DRC8: variants seen among roughly 807,000 people sequenced by gnomAD.
The protein encoded by DRC8 is dynein regulatory complex subunit 8, also known as dynein regulatory complex protein 8.
the DRC8 span, among the ~76,000 whole-genome samples, chr1:244,979,761 G>A: frequency 6.6e-6 from 1 of 151,936 alleles, no homozygotes; most frequent in African/African-American, 2.4e-5. Flanking sequence ...TCTTGAAGGT[G>A]TAATAGCACA....
the DRC8 span, among the ~76,000 whole-genome samples, chr1:245,031,057 T>C: frequency 6.6e-6 from 1 of 152,262 alleles, no homozygotes; most frequent in East Asian, 1.9e-4. Context: ...AAGTGTGGAT[T>C]TGGCAGAGAC....
At chr1:244,973,708 CAT>C in the DRC8 span, among the ~76,000 whole-genome samples, 3 of 152,118 alleles carry the variant, frequency 2.0e-5, no homozygotes, top group South Asian at 2.1e-4. Flanking sequence ...TAGAAATACA[CAT>C]ATGTTTTAAA....
chr1:245,058,089 C>T, the DRC8 span, among the ~76,000 whole-genome samples: 8 of 151,910 alleles, frequency 5.3e-5, no homozygotes, highest in Admixed American at 3.3e-4. Flanking sequence ...TGAGAATGTG[C>T]GATTAGCCGT....
chr1:245,083,912 A>G, the DRC8 span: 1 of 503,536 alleles, frequency 2.0e-6, no homozygotes, highest in Non-Finnish European at 3.4e-6. Context: ...AATTTTGTGA[A>G]GCACAGTGAT....
chr1:245,056,488 T>C, the DRC8 span, among the ~76,000 whole-genome samples: 1 of 152,220 alleles, frequency 6.6e-6, no homozygotes, highest in Non-Finnish European at 1.5e-5. Context: ...AGTGGAATTC[T>C]CACTTTCTCC....
chr1:245,034,431 T>C, the DRC8 span, among the ~76,000 whole-genome samples: 1 of 151,456 alleles, frequency 6.6e-6, no homozygotes, highest in East Asian at 1.9e-4. Context: ...CGAAACCCTG[T>C]CTCTAATAAA....
chr1:245,048,992 T>C, the DRC8 span, among the ~76,000 whole-genome samples: 9 of 151,486 alleles, frequency 5.9e-5, no homozygotes, highest in African/African-American at 1.9e-4. Flanking sequence ...TTTTCTTTTT[T>C]TTTTTTTTTT....
At chr1:245,070,042 C>A in the DRC8 span, among the ~76,000 whole-genome samples, 1 of 152,090 alleles carries the variant, frequency 6.6e-6, no homozygotes, top group African/African-American at 2.4e-5. Flanking sequence ...AAGACCCTGT[C>A]TCTAAATAAA....
the DRC8 span, among the ~76,000 whole-genome samples, chr1:245,007,969 A>G: frequency 6.6e-6 from 1 of 152,174 alleles, no homozygotes; most frequent in Non-Finnish European, 1.5e-5. Flanking sequence ...GTTCAAAACC[A>G]GCCTGGTCAG....
the DRC8 span, among the ~76,000 whole-genome samples, chr1:244,999,740 A>T: frequency 6.6e-6 from 1 of 152,202 alleles, no homozygotes; most frequent in African/African-American, 2.4e-5. Flanking sequence ...GAAACAATGG[A>T]TAGTACTGAA....
the DRC8 span, among the ~76,000 whole-genome samples, chr1:244,981,850 G>A: frequency 2.0e-5 from 3 of 152,266 alleles, no homozygotes; most frequent in Admixed American, 6.5e-5. Flanking sequence ...AAATATGCTA[G>A]TGCATTCTTC....
At chr1:245,089,614 G>C in the DRC8 span, among the ~76,000 whole-genome samples, 1 of 152,160 alleles carries the variant, frequency 6.6e-6, no homozygotes, top group South Asian at 2.1e-4. The surrounding 1 kb of genome is among the most constrained non-coding windows in gnomAD (Gnocchi z 4.8). Flanking sequence ...AGAGTTCATT[G>C]AGGGCCTCTC....
chr1:245,023,009 C>T, the DRC8 span: 1 of 152,150 alleles, frequency 6.6e-6, no homozygotes, highest in African/African-American at 2.4e-5. Flanking sequence ...AATATTTGTC[C>T]TTCCTGTGCT....
the DRC8 span, among the ~76,000 whole-genome samples, chr1:245,046,699 A>G: frequency 1.3e-5 from 2 of 152,258 alleles, no homozygotes; most frequent in South Asian, 4.1e-4. Context: ...TTCTCATCTC[A>G]AGGAATTTGG....
the DRC8 span, chr1:245,082,049 T>G: frequency 6.5e-7 from 1 of 1,530,768 alleles, no homozygotes; most frequent in South Asian, 1.1e-5. Flanking sequence ...ATTTGTTGAA[T>G]GACTAAATGG....
At chr1:244,986,770 T>G in the DRC8 span, among the ~76,000 whole-genome samples, 1 of 151,538 alleles carries the variant, frequency 6.6e-6, no homozygotes, top group South Asian at 2.1e-4. Context: ...AAAGATCACT[T>G]GCTTGCACTG....
At chr1:245,096,867 C>T in the DRC8 span, among the ~76,000 whole-genome samples, 1 of 152,110 alleles carries the variant, frequency 6.6e-6, no homozygotes, top group Non-Finnish European at 1.5e-5. Flanking sequence ...TGGGGAAAGT[C>T]ACGTGATGTG....
the DRC8 span, among the ~76,000 whole-genome samples, chr1:245,057,986 C>A: frequency 2.6e-5 from 4 of 152,264 alleles, no homozygotes; most frequent in African/African-American, 9.6e-5. Context: ...ATTCTACTCT[C>A]TACCTCCCTG....
At chr1:245,041,507 C>A in the DRC8 span, among the ~76,000 whole-genome samples, 6 of 151,972 alleles carry the variant, frequency 3.9e-5, no homozygotes, top group South Asian at 1.3e-3. Context: ...GTGGTGCAGG[C>A]AAGAGGGAAT....
Sources: allele counts gnomAD v4.1 joint callset (sites outside exome capture counted in the v4.1 genomes callset), GRCh38; gene constraint gnomAD v4.1.1; non-coding constraint Gnocchi (gnomAD v3.1); transcripts MANE v1.5; gene names NCBI Gene and HGNC (gene_info 2026-07-23, HGNC 2026-07-21).